The following GALNT18 variants were observed in gnomAD, a reference collection of about 807,000 sequenced individuals.
GALNT18 encodes the protein polypeptide N-acetylgalactosaminyltransferase 18.
In GALNT18, 44 loss-of-function variants were observed where a neutral mutation model predicts 69.5. The observed-to-expected ratio is 0.63, with a 90% confidence interval of 0.50 to 0.81. GALNT18 has a LOEUF of 0.81. Among genes scored for constraint, GALNT18 ranks in the 40% least tolerant of loss-of-function variants. The pLI is 0.00. For synonymous variants in GALNT18, 364 were observed against 318.2 expected, an observed-to-expected ratio of 1.14 and a Z score of -1.53; for missense variants, 715 against 810.0, an observed-to-expected ratio of 0.88 and a Z score of 1.42.
At position 11,573,286 on chromosome 11, in the gene GALNT18, C is replaced by T. The variant is rs1203444947; in HGVS notation, c.235+48073G>A. ...TACTGAAGATGGAGCTCTCTGTCCC[C>T]GGGTGGGGCCGCAGCATCACAGTGC... On this transcript the variant is annotated intron_variant, in intron 1 of 10. Transcript: ENST00000227756. This position sits in a 1 kb window ranked among gnomAD's most constrained non-coding sequence, Gnocchi z 4.6. Among the ~76,000 whole-genome samples, 2 of 152,194 alleles carry T rather than the reference C, an allele frequency of 1.3e-5. No individual in the cohort carries two copies. Among genetic ancestry groups the T allele is most frequent in the Non-Finnish European group, 1.5e-5 (1 of 68,040 alleles).
chr11:11,487,702 T>C (rs994012750), intron 1 of GALNT18, among the ~76,000 whole-genome samples: 2 of 152,166 alleles, frequency 1.3e-5, no homozygotes, highest in African/African-American at 4.8e-5. Flanking sequence ...GCTCAGAAAC[T>C]CCATCCACAA....
chr11:11,322,108 G>C (rs1368453370), intron 9 of GALNT18, among the ~76,000 whole-genome samples: 2 of 152,176 alleles, frequency 1.3e-5, no homozygotes, highest in Non-Finnish European at 2.9e-5. Context: ...CTACATACCA[G>C]GTATGGTTTT....
chr11:11,467,946 A>G (rs1431577483), intron 1 of GALNT18, among the ~76,000 whole-genome samples: 1 of 152,184 alleles, frequency 6.6e-6, no homozygotes, highest in Non-Finnish European at 1.5e-5. Flanking sequence ...GTTCCATCCT[A>G]AGAGATTCTA....
rs536496609 is a variant in GALNT18 at position 11,470,480 on chromosome 11, C to T, written c.236-21544G>A. Among the ~76,000 whole-genome samples the T allele has an allele frequency of 1.8e-4, 28 of 152,340 alleles. No individual in the cohort carries two copies. The highest frequency in any genetic ancestry group is 1.0e-3 in the Admixed American group (16 of 15,306). ...TGTGTGAGGAAGGCGCTATCCTCCA[C>T]GCAGTCGGCTAGGCAAGTGAGCATG... On this transcript the variant is annotated intron_variant, in intron 1 of 10. Transcript: ENST00000227756. The surrounding 1 kb of genome is among the most constrained non-coding windows in gnomAD (Gnocchi z 4.8).
At chr11:11,520,954 T>A (rs1041004373) in intron 1 of GALNT18, among the ~76,000 whole-genome samples, 1 of 152,032 alleles carries the variant, frequency 6.6e-6, no homozygotes, top group Non-Finnish European at 1.5e-5. Context: ...GGGTCCACCG[T>A]AGGGAGCCTT....
At chr11:11,280,977 A>C (rs922811006) in intron 10 of GALNT18, among the ~76,000 whole-genome samples, 1 of 152,150 alleles carries the variant, frequency 6.6e-6, no homozygotes, top group Non-Finnish European at 1.5e-5. Context: ...CTTCTGTGTA[A>C]AACCCTGTGG....
chr11:11,394,665 G>A (rs576175996), intron 3 of GALNT18, among the ~76,000 whole-genome samples: 4 of 152,308 alleles, frequency 2.6e-5, no homozygotes, highest in Non-Finnish European at 4.4e-5. Context: ...TAAGCTCCAC[G>A]CCTCAATCAT....
intron 1 of GALNT18, among the ~76,000 whole-genome samples, chr11:11,530,181 C>T (rs1285629856): frequency 6.6e-6 from 1 of 151,162 alleles, no homozygotes; most frequent in Non-Finnish European, 1.5e-5. Context: ...AAGGCTGGAG[C>T]GAGCAAATTC....
rs911572226 is a variant in GALNT18, at chr11:11,604,000, T to C, written c.235+17359A>G. On this transcript the variant is annotated intron_variant, in intron 1 of 10. Coordinates refer to ENST00000227756, the MANE Select transcript of GALNT18 (RefSeq NM_198516.3). This position sits in a 1 kb window ranked among gnomAD's most constrained non-coding sequence, Gnocchi z 4.5. ...CTCATGAATGGGATTACTGTTCTTA[T>C]GAAAGGAACCTCAGAAAGCTGTTTT... Among the ~76,000 whole-genome samples, 2 of 152,158 alleles carry C rather than the reference T, an allele frequency of 1.3e-5. No individual in the cohort carries two copies. Among genetic ancestry groups the C allele is most frequent in the Non-Finnish European group, 2.9e-5 (2 of 68,028 alleles).
chr11:11,300,233 G>A (rs537086469), intron 9 of GALNT18, among the ~76,000 whole-genome samples: 7 of 152,270 alleles, frequency 4.6e-5, no homozygotes, highest in East Asian at 1.9e-4. Flanking sequence ...GTAGGTGCCC[G>A]TGAAAAATGA....
intron 1 of GALNT18, among the ~76,000 whole-genome samples, chr11:11,580,977 G>A (rs576621542): frequency 2.0e-5 from 3 of 152,382 alleles, no homozygotes; most frequent in Admixed American, 6.5e-5. Context: ...CATCCTCCAC[G>A]GTGCCACCCT....
intron 3 of GALNT18, among the ~76,000 whole-genome samples, chr11:11,380,910 G>C (rs2133694660): frequency 6.6e-6 from 1 of 152,314 alleles, no homozygotes; most frequent in South Asian, 2.1e-4. Context: ...TGTCATTCAA[G>C]TGATCCTTTT....
At chr11:11,589,164 G>A (rs1280239640) in intron 1 of GALNT18, among the ~76,000 whole-genome samples, 1 of 152,204 alleles carries the variant, frequency 6.6e-6, no homozygotes, top group Non-Finnish European at 1.5e-5. Flanking sequence ...CCATAGGAGT[G>A]GAGGGAGAAG....
chr11:11,578,826 C>A (rs1167192533), intron 1 of GALNT18, among the ~76,000 whole-genome samples: 2 of 152,202 alleles, frequency 1.3e-5, no homozygotes, highest in Non-Finnish European at 2.9e-5. Context: ...CCCAGCCAAC[C>A]TTTCCCTAAC....
intron 3 of GALNT18, among the ~76,000 whole-genome samples, chr11:11,423,942 G>A (rs1297301141): frequency 6.6e-6 from 1 of 152,198 alleles, no homozygotes; most frequent in Non-Finnish European, 1.5e-5. Flanking sequence ...AATGAGCTGG[G>A]GGCGCCTGGT....
chr11:11,369,053 G>A (rs900705620), intron 6 of GALNT18, among the ~76,000 whole-genome samples: 3 of 152,176 alleles, frequency 2.0e-5, no homozygotes, highest in Admixed American at 6.5e-5. Context: ...CAAGCCTTAG[G>A]CTTTCTGTTC....
chr11:11,417,138 G>T (rs896298636), intron 3 of GALNT18, among the ~76,000 whole-genome samples: 3 of 152,212 alleles, frequency 2.0e-5, no homozygotes, highest in Non-Finnish European at 2.9e-5. Flanking sequence ...CTACAACCCA[G>T]GGACAGAATC....
rs1436119804 is a variant in GALNT18 at position 11,562,116 on chromosome 11, T to C, written c.235+59243A>G. On this transcript the variant is annotated intron_variant, in intron 1 of 10. Transcript: ENST00000227756. The surrounding 1 kb of genome is among the most constrained non-coding windows in gnomAD (Gnocchi z 4.1). ...GTTTGCTAGTGCTGTCCTAACTAAGTAGCACAGACTGGGTGCCTTCAACAA... is the reference window on the plus strand; with the variant it reads ...GTTTGCTAGTGCTGTCCTAACTAAGCAGCACAGACTGGGTGCCTTCAACAA... Among the ~76,000 whole-genome samples, 4 of 152,242 alleles carry C rather than the reference T, an allele frequency of 2.6e-5. No individual in the cohort carries two copies. The highest frequency in any genetic ancestry group is 5.9e-5 in the Non-Finnish European group (4 of 68,042).
At position 11,549,237 on chromosome 11, in the gene GALNT18, C is replaced by T. The variant is rs900742704; in HGVS notation, c.235+72122G>A. ...GATGACAGCAACAAGCTAAAAAGGGCCCAGGCCTGTGATCCTGGAAGAGCT... is the reference window on the plus strand; with the variant it reads ...GATGACAGCAACAAGCTAAAAAGGGTCCAGGCCTGTGATCCTGGAAGAGCT... On this transcript the variant is annotated intron_variant, in intron 1 of 10. Coordinates refer to ENST00000227756, the MANE Select transcript of GALNT18 (RefSeq NM_198516.3). Among the ~76,000 whole-genome samples, 8 of 152,332 alleles carry T rather than the reference C, an allele frequency of 5.3e-5. No individual in the cohort carries two copies. The East Asian group carries it at 1.2e-3, about 22-fold the overall frequency.
Sources: allele counts gnomAD v4.1 joint callset (sites outside exome capture counted in the v4.1 genomes callset), GRCh38; gene constraint gnomAD v4.1.1; non-coding constraint Gnocchi (gnomAD v3.1); transcripts MANE v1.5; gene names NCBI Gene and HGNC (gene_info 2026-07-23, HGNC 2026-07-21).